UBE2K: variants seen among roughly 807,000 people sequenced by gnomAD.
The protein encoded by UBE2K is ubiquitin conjugating enzyme E2 K.
A neutral mutation model predicts 30.0 loss-of-function variants in UBE2K; 6 were observed. The observed-to-expected ratio is 0.20, with a 90% CI of 0.11 to 0.39. UBE2K has a LOEUF of 0.39. UBE2K is among the 10% of genes least tolerant of loss of function. UBE2K has a pLI of 1.00. For missense variants in UBE2K, 61 were observed against 241.6 expected (o/e 0.25, Z 4.96); for synonymous variants, 86 against 83.7 (o/e 1.03, Z -0.15).
intron 1 of UBE2K, among the ~76,000 whole-genome samples, chr4:39,700,775 G>T (rs1717963478): frequency 6.6e-6 from 1 of 152,128 alleles, no homozygotes; most frequent in Non-Finnish European, 1.5e-5. Flanking sequence ...AGGACTTTTT[G>T]GGGTGGCCTT....
chr4:39,753,537 A>C (rs995499911), intron 3 of UBE2K, among the ~76,000 whole-genome samples: 2 of 152,192 alleles, frequency 1.3e-5, no homozygotes, highest in African/African-American at 4.8e-5. Context: ...AGTGTCTTTT[A>C]GGGAAGACCG....
intron 4 of UBE2K, chr4:39,771,441 G>GC (rs1712826416): frequency 6.9e-6 from 11 of 1,586,266 alleles, no homozygotes; most frequent in Non-Finnish European, 9.4e-6. Context: ...GGCCATTGTG[G>GC]CGGGGGTGGG....
intron 2 of UBE2K, among the ~76,000 whole-genome samples, chr4:39,744,977 GTCTA>G (rs1560363078): frequency 7.1e-6 from 1 of 140,958 alleles, no homozygotes; most frequent in Admixed American, 6.7e-5. Flanking sequence ...TTGTCTTTAT[GTCTA>G]TCTCTCTTGT....
chr4:39,731,981 A>C (rs1720099811), intron 1 of UBE2K, among the ~76,000 whole-genome samples: 1 of 152,186 alleles, frequency 6.6e-6, no homozygotes, highest in Non-Finnish European at 1.5e-5. Context: ...ATTTGGATTT[A>C]AATTTTATTT....
intron 4 of UBE2K, among the ~76,000 whole-genome samples, chr4:39,760,176 CAAAAAAAAAAAAAAAACAGAA>C (rs1277033312): frequency 2.6e-5 from 2 of 77,184 alleles, no homozygotes; most frequent in African/African-American, 6.1e-5. Context: ...GACTCTGTCA[CAAAAAAAAAAAAAAAACAGAA>C]AAAAAAAAAA....
At chr4:39,728,252 C>T (rs1230524972) in intron 1 of UBE2K, among the ~76,000 whole-genome samples, 2 of 152,022 alleles carry the variant, frequency 1.3e-5, no homozygotes, top group South Asian at 2.1e-4. Flanking sequence ...TTGGTAAGCA[C>T]GTAAGTTTGT....
intron 1 of UBE2K, among the ~76,000 whole-genome samples, chr4:39,704,990 C>T (rs1578412830): frequency 6.6e-6 from 1 of 151,638 alleles, no homozygotes; most frequent in Non-Finnish European, 1.5e-5. Flanking sequence ...CCTGTCTCAG[C>T]CTCCTGAGTA....
At chr4:39,769,022 C>T (rs1016461854) in intron 4 of UBE2K, among the ~76,000 whole-genome samples, 3 of 151,938 alleles carry the variant, frequency 2.0e-5, no homozygotes, top group African/African-American at 4.8e-5. Flanking sequence ...GATGGGGTTT[C>T]GCCATGTTGC....
intron 1 of UBE2K, among the ~76,000 whole-genome samples, chr4:39,731,509 G>T (rs1287809164): frequency 6.6e-6 from 1 of 151,970 alleles, no homozygotes; most frequent in Non-Finnish European, 1.5e-5. Context: ...ATGAAACCTT[G>T]TCTCTAGTAC....
Position 39,779,067 on chromosome 4 carries a change from A to T in UBE2K, c.*633A>T, listed in dbSNP as rs1169411178. The stretch of plus-strand genomic sequence containing the variant: ...ACCCCCCCCACCCCCGCCTTGCCAC[A>T]CACAGCTAATATTCTAATGGTAAAT... On this transcript the variant is annotated 3_prime_UTR_variant, in exon 7 of 7. Coordinates refer to ENST00000261427, the MANE Select transcript of UBE2K (RefSeq NM_005339.5). 1.4e-4 allele frequency: 6 copies of T among 42,116 alleles called. No homozygotes were observed. The Admixed American group carries it at 2.3e-3, about 16-fold the overall frequency. The allele number at this position is 42,116 out of a possible 1,614,324, so 2.6% of individuals were successfully genotyped here. A position where few individuals can be genotyped will look rare whatever the true frequency, so the allele number is the denominator to read the frequency against.
At chr4:39,772,850 G>C (rs1192915040) in intron 4 of UBE2K, among the ~76,000 whole-genome samples, 1 of 151,688 alleles carries the variant, frequency 6.6e-6, no homozygotes, top group Non-Finnish European at 1.5e-5. Flanking sequence ...ACCACGCCCA[G>C]CTAATTTTTG....
At chr4:39,709,564 T>C (rs931080047) in intron 1 of UBE2K, among the ~76,000 whole-genome samples, 1 of 152,122 alleles carries the variant, frequency 6.6e-6, no homozygotes, top group African/African-American at 2.4e-5. Flanking sequence ...TAATCTCTTG[T>C]GTTTAATTTA....
intron 4 of UBE2K, among the ~76,000 whole-genome samples, chr4:39,765,344 TG>T (rs1382408553): frequency 1.3e-5 from 2 of 151,304 alleles, no homozygotes; most frequent in Admixed American, 1.3e-4. Context: ...GGCAACATGG[TG>T]AAACTCCATC....
At chr4:39,723,358 T>TTC (rs1253209354) in intron 1 of UBE2K, among the ~76,000 whole-genome samples, 1 of 137,524 alleles carries the variant, frequency 7.3e-6, no homozygotes, top group African/African-American at 2.8e-5. Flanking sequence ...CCCTGCTGTC[T>TTC]TCTCTTTTTT....
At chr4:39,707,239 A>G (rs2109307148) in intron 1 of UBE2K, among the ~76,000 whole-genome samples, 1 of 150,266 alleles carries the variant, frequency 6.7e-6, no homozygotes, top group East Asian at 2.0e-4. Flanking sequence ...TTGAGATGGA[A>G]TCTCACTCTC....
At chr4:39,741,684 C>T (rs1482490452) in intron 2 of UBE2K, among the ~76,000 whole-genome samples, 1 of 152,144 alleles carries the variant, frequency 6.6e-6, no homozygotes, top group East Asian at 1.9e-4. Flanking sequence ...TGTTACTTAA[C>T]TCAATTTTCT....
chr4:39,765,639 G>C (rs1413412906), intron 4 of UBE2K, among the ~76,000 whole-genome samples: 1 of 150,516 alleles, frequency 6.6e-6, no homozygotes, highest in Admixed American at 6.6e-5. Context: ...GACCAATATG[G>C]TGAAATCCTG....
At chr4:39,725,044 A>G (rs1719665793) in intron 1 of UBE2K, among the ~76,000 whole-genome samples, 1 of 152,028 alleles carries the variant, frequency 6.6e-6, no homozygotes, top group Non-Finnish European at 1.5e-5. Context: ...CCTTGCAAGT[A>G]TTGCACAAAT....
Position 39,781,682 on chromosome 4 carries a change from A to AT in UBE2K, c.*3249dup. The AT allele has an allele frequency of 2.7e-6, 1 of 365,676 alleles. No individual in the cohort carries two copies. The allele number at this position is 365,676 out of a possible 1,614,324, so 22.7% of individuals were successfully genotyped here. ...GGGTAGGGAACAGCTGGAGCCAGGT[A>AT]TACCTTCTAGTATGTAGAGGGAAAC... On this transcript the variant is annotated 3_prime_UTR_variant, in exon 7 of 7. Transcript: ENST00000261427.
Sources: allele counts gnomAD v4.1 joint callset (sites outside exome capture counted in the v4.1 genomes callset), GRCh38; gene constraint gnomAD v4.1.1; transcripts MANE v1.5; gene names NCBI Gene and HGNC (gene_info 2026-07-23, HGNC 2026-07-21).